The following TRANK1 variants were observed in gnomAD, a reference collection of about 807,000 sequenced individuals.
The protein encoded by TRANK1 is TPR and ankyrin repeat-containing protein 1.
In TRANK1, 198 loss-of-function variants were observed where a neutral mutation model predicts 266.0. The ratio of observed to expected loss-of-function variants is 0.74; its 90% CI spans 0.66 to 0.84. The LOEUF (loss-of-function observed/expected upper bound fraction) is 0.84, where lower values mean the gene tolerates loss of function less well. Ranked by LOEUF, TRANK1 falls within the 40% of genes least tolerant of loss-of-function variation. The pLI, the probability that TRANK1 is intolerant of heterozygous loss-of-function variation, is 0.00. For missense variants in TRANK1, 3,326 were observed against 3,634.6 expected, an observed-to-expected ratio of 0.92 and a Z score of 2.18; for synonymous variants, 1,396 against 1,384.1, an observed-to-expected ratio of 1.01 and a Z score of -0.19.
intron 1 of TRANK1, among the ~76,000 whole-genome samples, chr3:36,943,805 T>A (rs2080531589): frequency 6.6e-6 from 1 of 152,072 alleles, no homozygotes; most frequent in South Asian, 2.1e-4. Context: ...AAGGACTAAC[T>A]GAGCCAGCAG....
At chr3:36,883,595 T>A (rs755475988) in intron 8 of TRANK1, among the ~76,000 whole-genome samples, 1 of 149,044 alleles carries the variant, frequency 6.7e-6, no homozygotes, top group South Asian at 2.1e-4. Flanking sequence ...GCAAAAGAAA[T>A]CCAGAAAGAA....
intron 18 of TRANK1, among the ~76,000 whole-genome samples, chr3:36,841,133 T>C (rs2078837994): frequency 6.6e-6 from 1 of 152,176 alleles, no homozygotes; most frequent in Non-Finnish European, 1.5e-5. Context: ...CCTCATCACT[T>C]CCCAGAACCT....
At chr3:36,912,364 G>A (rs140533852) in intron 1 of TRANK1, among the ~76,000 whole-genome samples, 3 of 152,202 alleles carry the variant, frequency 2.0e-5, no homozygotes, top group African/African-American at 7.2e-5. Context: ...CACTCTGAAG[G>A]GCCAAGACAG....
intron 3 of TRANK1, among the ~76,000 whole-genome samples, chr3:36,899,639 A>G (rs1162910743): frequency 6.6e-6 from 1 of 152,238 alleles, no homozygotes; most frequent in Non-Finnish European, 1.5e-5. Flanking sequence ...AGCCTGGGCA[A>G]CAGACTTATA....
chr3:36,878,247 C>A (rs868389222), intron 8 of TRANK1, among the ~76,000 whole-genome samples: 1 of 152,202 alleles, frequency 6.6e-6, no homozygotes, highest in East Asian at 1.9e-4. Flanking sequence ...TAATGCCTGG[C>A]AATCTCAGGT....
intron 2 of TRANK1, among the ~76,000 whole-genome samples, chr3:36,905,858 G>T (rs146328934): frequency 5.3e-5 from 8 of 152,170 alleles, no homozygotes; most frequent in African/African-American, 1.9e-4. Context: ...CTGCAAGTAC[G>T]CTGTAAATCA....
At chr3:36,945,180 A>G (rs962665036), upstream of TRANK1, 13 of 245,494 alleles carry the variant, frequency 5.3e-5, no homozygotes, top group Admixed American at 6.9e-4. Context: ...AGCAAATGGT[A>G]TGGCTCTCGG....
chr3:36,904,080 C>A (rs560433550), intron 2 of TRANK1, among the ~76,000 whole-genome samples: 1 of 151,862 alleles, frequency 6.6e-6, no homozygotes, highest in African/African-American at 2.4e-5. Flanking sequence ...CTCAGCCTCC[C>A]GAGTAGCTGG....
intron 13 of TRANK1, among the ~76,000 whole-genome samples, chr3:36,852,787 A>AC (rs969337221): frequency 2.1e-4 from 31 of 149,758 alleles, no homozygotes; most frequent in South Asian, 1.3e-3. Flanking sequence ...AAAAAAAAAA[A>AC]AAAAAAAAAA....
chr3:36,862,364 T>G (rs759023176), intron 10 of TRANK1, among the ~76,000 whole-genome samples: 2 of 152,212 alleles, frequency 1.3e-5, no homozygotes, highest in Non-Finnish European at 2.9e-5. Flanking sequence ...ATATTCATTT[T>G]AATATTTAAA....
Position 36,831,564 on chromosome 3 carries a change from C to G in TRANK1, c.8019G>C (p.Leu2673=). 6.2e-7 allele frequency: 1 copy of G among 1,613,470 alleles called. No individual in the cohort carries two copies. Among genetic ancestry groups the G allele is most frequent in the Non-Finnish European group, 8.5e-7 (1 of 1,179,626 alleles). ...LYYEEVRLNR[L]LCLDPVDYFA... is the part of the protein sequence containing the mutation. ...AGTAGTCCACAGGGTCCAAACAGAG[C>G]AGGCGGTTTAGTCTGACCTCCTCAT... Residue 2673 remains leucine, a synonymous_variant, in exon 22 of 24, where the codon CTG becomes CTC. Transcript: ENST00000645898. The surrounding 1 kb of genome is among the most constrained non-coding windows in gnomAD (Gnocchi z 5.0).
Position 36,899,097 on chromosome 3 carries a change from G to T in TRANK1, c.433+12C>A, listed in dbSNP as rs2079837124. ...AAGGACTTTACAAAAAGTCTCCCCA[G>T]TTCCAACTTACTGCTCATAGTGGTG... On this transcript the variant is annotated intron_variant, in intron 4 of 23. Transcript: ENST00000645898. 1 of 1,536,888 alleles carries T rather than the reference G, an allele frequency of 6.5e-7. No individual in the cohort carries two copies. The highest frequency in any genetic ancestry group is 8.7e-7 in the Non-Finnish European group (1 of 1,146,832).
intron 3 of TRANK1, among the ~76,000 whole-genome samples, chr3:36,902,628 C>T: frequency 6.6e-6 from 1 of 152,212 alleles, no homozygotes; most frequent in Non-Finnish European, 1.5e-5. Context: ...AGTGGCCTCT[C>T]AAACTCCATG....
Position 36,856,056 on chromosome 3 carries a change from G to A in TRANK1, c.3666C>T (p.Tyr1222=). Reference sequence around the variant, plus strand: ...TGTGAATGTTGGGGTCCAGTGGTTTGTAATGACTAGTGGCCTTGGTGGACT... The same window carrying A: ...TGTGAATGTTGGGGTCCAGTGGTTTATAATGACTAGTGGCCTTGGTGGACT... The part of the protein sequence containing the change: ...LSKSTKATSH[Y]KPLDPNIHKL... The change falls in exon 13 of 24, where the codon TAC becomes TAT. Residue 1222 remains tyrosine (Y), a synonymous_variant. Coordinates refer to ENST00000645898, the MANE Select transcript of TRANK1 (RefSeq NM_001329998.2). 1 of 1,613,862 alleles carries A rather than the reference G, an allele frequency of 6.2e-7. No individual in the cohort carries two copies. Among genetic ancestry groups the A allele is most frequent in the Non-Finnish European group, 8.5e-7 (1 of 1,179,878 alleles).
chr3:36,865,231 T>C lies in TRANK1; in HGVS notation c.1079-751A>G, dbSNP rs149967431. Among the ~76,000 whole-genome samples, 75 of 152,122 alleles carry C rather than the reference T, an allele frequency of 4.9e-4. No homozygotes were observed. The East Asian group carries it at 5.2e-3, about 11-fold the overall frequency. On this transcript the variant is annotated intron_variant, in intron 9 of 23. Coordinates refer to ENST00000645898, the MANE Select transcript of TRANK1 (RefSeq NM_001329998.2). ...TTAGTAGAGACGGGGTTTCACTATA[T>C]TGGCCAGGCTGGTCTTGAACTCCTG...
intron 15 of TRANK1, 50 bp from the exon 16 acceptor site, chr3:36,847,396 C>T (rs758626290): frequency 4.4e-5 from 70 of 1,591,880 alleles, no homozygotes; most frequent in South Asian, 2.6e-4. Context: ...TTTTGAACTA[C>T]GCATACAGCC....
At chr3:36,942,482 CA>C (rs565174922) in intron 1 of TRANK1, among the ~76,000 whole-genome samples, 2,195 of 79,902 alleles carry the variant, frequency 0.027, 15 homozygotes, top group Non-Finnish European at 0.04. Context: ...TCTTCTTCCT[CA>C]AAAAAAAAAA....
At chr3:36,828,474 G>A (rs919932830) in intron 23 of TRANK1, 99 bp from the exon 24 acceptor site, 2 of 886,908 alleles carry the variant, frequency 2.3e-6, no homozygotes, top group East Asian at 2.7e-5. Flanking sequence ...AGGAAGGGAG[G>A]AAGGAAGAAA....
intron 4 of TRANK1, among the ~76,000 whole-genome samples, chr3:36,898,702 C>G (rs1333031162): frequency 6.6e-6 from 1 of 151,772 alleles, no homozygotes; most frequent in Non-Finnish European, 1.5e-5. Context: ...ATACAAAAAA[C>G]TAGCCCGGTG....
Sources: allele counts gnomAD v4.1 joint callset (sites outside exome capture counted in the v4.1 genomes callset), GRCh38; gene constraint gnomAD v4.1.1; non-coding constraint Gnocchi (gnomAD v3.1); transcripts MANE v1.5; gene names NCBI Gene and HGNC (gene_info 2026-07-23, HGNC 2026-07-21).